VGLL4: variants seen among roughly 807,000 people sequenced by gnomAD.
VGLL4 encodes transcription cofactor vestigial-like protein 4.
A neutral mutation model predicts 21.0 loss-of-function variants in VGLL4; 7 were observed. That is an observed-to-expected ratio of 0.33 (90% confidence interval 0.19 to 0.63). VGLL4 has a LOEUF of 0.63. Among genes scored for constraint, VGLL4 ranks in the 20% least tolerant of loss-of-function variants. The pLI is 0.78. For missense variants in VGLL4, 394 were observed against 425.7 expected (o/e 0.93, Z 0.66); for synonymous variants, 222 against 173.2 (o/e 1.28, Z -2.21).
intron 2 of VGLL4, among the ~76,000 whole-genome samples, chr3:11,676,644 A>G (rs1346321452): frequency 2.0e-5 from 3 of 151,936 alleles, no homozygotes; most frequent in Non-Finnish European, 4.4e-5. Context: ...CAGTTTGAAT[A>G]TATTTGGATA....
intron 1 of VGLL4, chr3:11,710,404 T>C (rs1160465259): frequency 6.6e-6 from 1 of 152,164 alleles, no homozygotes; most frequent in African/African-American, 2.4e-5. Context: ...TCCATGTCTG[T>C]CCCATGGCAG....
chr3:11,629,691 T>TGCA (rs1226886679), intron 1 of VGLL4, among the ~76,000 whole-genome samples: 3 of 146,880 alleles, frequency 2.0e-5, no homozygotes, highest in African/African-American at 7.6e-5. Flanking sequence ...AGGCGGAGGT[T>TGCA]GCAGTGAGAT....
chr3:11,672,434 A>T (rs2076230388), intron 2 of VGLL4, among the ~76,000 whole-genome samples: 1 of 152,174 alleles, frequency 6.6e-6, no homozygotes, highest in South Asian at 2.1e-4. Flanking sequence ...ATGTTTAAAA[A>T]TATCTTAATT....
intron 1 of VGLL4, among the ~76,000 whole-genome samples, chr3:11,704,383 C>CAA (rs57593843): frequency 3.4e-3 from 233 of 68,942 alleles, no homozygotes; most frequent in Non-Finnish European, 4.8e-3. Flanking sequence ...AACTCCGTCT[C>CAA]AAAAAAAAAA....
Position 11,558,471 on chromosome 3 carries a change from CAT to C in VGLL4, c.*83_*84del. 1.4e-4 allele frequency: 186 copies of C among 1,368,210 alleles called. No homozygotes were observed. The highest frequency in any genetic ancestry group is 2.0e-4 in the Middle Eastern group (1 of 5,054). 84.8% of individuals were successfully genotyped at this position (1,368,210 alleles called of 1,614,324 possible). ...CCTTCCCTTCCCCCCACCCCACCCC[CAT>C]GATTTTTTTTTTTTTAAGTACTGAC... On this transcript the variant is annotated 3_prime_UTR_variant, in exon 5 of 5. Coordinates refer to ENST00000430365, the MANE Select transcript of VGLL4 (RefSeq NM_001128219.3).
intron 2 of VGLL4, among the ~76,000 whole-genome samples, chr3:11,689,318 T>C (rs115918536): frequency 3.5e-4 from 53 of 152,280 alleles, no homozygotes; most frequent in African/African-American, 1.3e-3. Flanking sequence ...GCCTGTTCCT[T>C]TCCTCGTCCC....
In VGLL4 at chr3:11,568,737, G is replaced by A. The variant is rs748292343; in HGVS notation, c.273-3718C>T. 804 of 1,533,966 alleles carry A rather than the reference G, an allele frequency of 5.2e-4. 1 individual carries two copies. The highest frequency in any genetic ancestry group is 6.3e-4 in the Non-Finnish European group (722 of 1,139,136). On this transcript the variant is annotated intron_variant, in intron 2 of 4. Transcript: ENST00000430365. The surrounding 1 kb of genome is among the most constrained non-coding windows in gnomAD (Gnocchi z 5.9). The stretch of plus-strand genomic sequence containing the variant: ...GTGCTCCCGGGGACGGCAGAAAACC[G>A]CACGCATCCTGCCCGGGAGATGGAA...
At chr3:11,641,534 T>C (rs1369374402) in intron 1 of VGLL4, among the ~76,000 whole-genome samples, 1 of 152,212 alleles carries the variant, frequency 6.6e-6, no homozygotes, top group Non-Finnish European at 1.5e-5. Flanking sequence ...TGTGCAGTGT[T>C]TACACTGAGA....
intron 1 of VGLL4, among the ~76,000 whole-genome samples, chr3:11,643,077 C>A (rs376878095): frequency 2.0e-5 from 3 of 152,336 alleles, no homozygotes; most frequent in African/African-American, 7.2e-5. Flanking sequence ...GCCCCTCCCC[C>A]AAAGAGGCTC....
intron 3 of VGLL4, among the ~76,000 whole-genome samples, chr3:11,559,703 G>A (rs1461765677): frequency 2.0e-5 from 3 of 152,224 alleles, no homozygotes; most frequent in Non-Finnish European, 4.4e-5. Flanking sequence ...AAGGACAAAA[G>A]CTCAACTGTT....
At chr3:11,673,039 ACAGT>A (rs1401002060) in intron 2 of VGLL4, among the ~76,000 whole-genome samples, 5 of 152,136 alleles carry the variant, frequency 3.3e-5, no homozygotes, top group East Asian at 1.9e-4. Flanking sequence ...GGTTCCACAA[ACAGT>A]CAGCCCTCAG....
chr3:11,576,112 C>T (rs768904988), intron 2 of VGLL4, among the ~76,000 whole-genome samples: 6 of 152,116 alleles, frequency 3.9e-5, no homozygotes, highest in African/African-American at 7.2e-5. Context: ...AGAACATGAC[C>T]GGTAAAGCAT....
At chr3:11,561,916 T>TAAAAAAAAAAAAAAAAA (rs1553719589) in intron 3 of VGLL4, among the ~76,000 whole-genome samples, 1 of 148,272 alleles carries the variant, frequency 6.7e-6, no homozygotes, top group East Asian at 2.0e-4. Context: ...TTTTTTTTTT[T>TAAAAAAAAAAAAAAAAA]AAAGACAAAG....
intron 2 of VGLL4, among the ~76,000 whole-genome samples, chr3:11,570,250 C>T (rs1166197016): frequency 6.6e-6 from 1 of 152,126 alleles, no homozygotes; most frequent in Non-Finnish European, 1.5e-5. Context: ...AAGAGACTCT[C>T]CATCACCTCG....
chr3:11,600,370 G>GAAAAA (rs11381868), intron 2 of VGLL4, among the ~76,000 whole-genome samples: 4 of 133,926 alleles, frequency 3.0e-5, no homozygotes, highest in Non-Finnish European at 6.7e-5. Flanking sequence ...AAAAGAAAAA[G>GAAAAA]AAAAAAAAAA....
At chr3:11,628,584 G>A (rs1183719048) in intron 1 of VGLL4, among the ~76,000 whole-genome samples, 1 of 152,060 alleles carries the variant, frequency 6.6e-6, no homozygotes, top group Non-Finnish European at 1.5e-5. Context: ...ACTTTGGGAG[G>A]CCAAGGCGGG....
intron 1 of VGLL4, among the ~76,000 whole-genome samples, chr3:11,618,466 C>A (rs2075206358): frequency 6.6e-6 from 1 of 151,876 alleles, no homozygotes; most frequent in Non-Finnish European, 1.5e-5. Context: ...AATTAAATAC[C>A]AAAATGTATT....
At chr3:11,657,429 A>G (rs546355509) in intron 2 of VGLL4, among the ~76,000 whole-genome samples, 1 of 152,358 alleles carries the variant, frequency 6.6e-6, no homozygotes, top group South Asian at 2.1e-4. Flanking sequence ...AAAAATAAAA[A>G]AGAGACATTT....
chr3:11,643,342 G>A lies in VGLL4; in HGVS notation c.82+95C>T. 36 of 1,595,330 alleles carry A rather than the reference G, an allele frequency of 2.3e-5. 1 individual carries two copies. In the South Asian group the frequency reaches 3.8e-4, roughly 17 times the overall value. Reference sequence around the variant, plus strand: ...CTTTCAAGTGCCCTACACCCCGGAGGAGGACAGCGGGCGCTTAGAAGGCAG... The same window carrying A: ...CTTTCAAGTGCCCTACACCCCGGAGAAGGACAGCGGGCGCTTAGAAGGCAG... On this transcript the variant is annotated intron_variant, in intron 1 of 4. Transcript: ENST00000430365.
Sources: allele counts gnomAD v4.1 joint callset (sites outside exome capture counted in the v4.1 genomes callset), GRCh38; gene constraint gnomAD v4.1.1; non-coding constraint Gnocchi (gnomAD v3.1); transcripts MANE v1.5; gene names NCBI Gene and HGNC (gene_info 2026-07-23, HGNC 2026-07-21).